Variants in BMERB1 observed in about 807,000 individuals in gnomAD.
BMERB1 encodes bMERB domain-containing protein 1.
Under a neutral mutation model 23.6 loss-of-function variants are expected in BMERB1, and 12 were observed. The observed-to-expected ratio is 0.51, with a 90% CI of 0.33 to 0.82. BMERB1 has a LOEUF of 0.82. BMERB1 is among the 40% of genes least tolerant of loss of function. The pLI is 0.03. For synonymous variants in BMERB1, 122 were observed against 96.6 expected (o/e 1.26, Z -1.54); for missense variants, 247 against 255.4 (o/e 0.97, Z 0.22).
chr16:15,563,282 G>A (rs1340386685), intron 2 of BMERB1, among the ~76,000 whole-genome samples: 11 of 151,370 alleles, frequency 7.3e-5, no homozygotes, highest in Admixed American at 6.6e-4. Context: ...GTGCAGTGGC[G>A]CAATCTTGGC....
chr16:15,452,335 A>AGAGGGAGG (rs767648201), intron 1 of BMERB1, among the ~76,000 whole-genome samples: 8,817 of 130,384 alleles, frequency 0.068, 984 homozygotes, highest in African/African-American at 0.23. Context: ...AGGGAGGGAG[A>AGAGGGAGG]GAGAGAGAGA....
chr16:15,565,853 CAAAA>C (rs1157887386), intron 2 of BMERB1, among the ~76,000 whole-genome samples: 2 of 152,158 alleles, frequency 1.3e-5, no homozygotes, highest in Non-Finnish European at 2.9e-5. Flanking sequence ...TCTCAAAAAA[CAAAA>C]CAAGAACAAC....
intron 1 of BMERB1, among the ~76,000 whole-genome samples, chr16:15,442,494 G>T (rs2050947941): frequency 6.6e-6 from 1 of 152,134 alleles, no homozygotes; most frequent in African/African-American, 2.4e-5. Flanking sequence ...ACACAGTTGA[G>T]TAATGTCTGC....
intron 1 of BMERB1, among the ~76,000 whole-genome samples, chr16:15,501,287 C>CTTTTTT (rs71152437): frequency 1.3e-3 from 85 of 64,770 alleles, no homozygotes; most frequent in Non-Finnish European, 1.7e-3. Context: ...GCTCTTTTTA[C>CTTTTTT]TTTTTTTTTT....
At position 15,583,224 on chromosome 16, in the gene BMERB1, C is replaced by T. The variant is rs779750823; in HGVS notation, c.488C>T (p.Thr163Ile). 4 of 1,609,970 alleles carry T rather than the reference C, an allele frequency of 2.5e-6. No individual in the cohort carries two copies. Among genetic ancestry groups the T allele is most frequent in the Admixed American group, 3.3e-5 (2 of 60,002 alleles). Residue 163 changes from threonine (T) to isoleucine (I), a missense_variant, in exon 5 of 6, where the codon ACC becomes ATC. Transcript: ENST00000300006. ...AAGTTAAAACCTCTAGACAAAGTAACCAAATCTCCAGCCAGTGAGTATATA... is the reference window on the plus strand; with the variant it reads ...AAGTTAAAACCTCTAGACAAAGTAATCAAATCTCCAGCCAGTGAGTATATA... ...RIKLKPLDKVTKSPASSRAEK... is the reference protein window; with the variant it reads ...RIKLKPLDKVIKSPASSRAEK...
At chr16:15,518,367 A>G (rs539631916) in intron 2 of BMERB1, among the ~76,000 whole-genome samples, 1 of 152,178 alleles carries the variant, frequency 6.6e-6, no homozygotes, top group Non-Finnish European at 1.5e-5. Context: ...ATGGAGTCCT[A>G]CAGACAGTAT....
chr16:15,446,235 T>TA (rs1427990407), intron 1 of BMERB1, among the ~76,000 whole-genome samples: 5 of 151,384 alleles, frequency 3.3e-5, no homozygotes, highest in African/African-American at 1.2e-4. Flanking sequence ...TACAAAAAAA[T>TA]AAAAAAATAA....
chr16:15,480,286 T>C (rs1031368866), intron 1 of BMERB1, among the ~76,000 whole-genome samples: 2 of 151,746 alleles, frequency 1.3e-5, no homozygotes, highest in Non-Finnish European at 2.9e-5. Flanking sequence ...TAATTTGTTT[T>C]GTATTTTTTA....
intron 1 of BMERB1, among the ~76,000 whole-genome samples, chr16:15,452,297 AAAAG>A (rs2051048828): frequency 7.5e-6 from 1 of 133,248 alleles, no homozygotes; most frequent in Non-Finnish European, 1.6e-5. Flanking sequence ...AAAAAAAAAG[AAAAG>A]AAGGAAGGAA....
At chr16:15,495,371 T>G (rs923627016) in intron 1 of BMERB1, among the ~76,000 whole-genome samples, 2 of 150,330 alleles carry the variant, frequency 1.3e-5, no homozygotes, top group African/African-American at 2.5e-5. Flanking sequence ...AAGTTTTTTG[T>G]TTTTTGTTTT....
At chr16:15,487,844 G>A (rs2051381263) in intron 1 of BMERB1, among the ~76,000 whole-genome samples, 3 of 152,184 alleles carry the variant, frequency 2.0e-5, no homozygotes, top group Non-Finnish European at 4.4e-5. Context: ...GCTGGTGGGC[G>A]GGTCTTTTAG....
At chr16:15,456,928 C>T (rs1481899431) in intron 1 of BMERB1, among the ~76,000 whole-genome samples, 3 of 152,072 alleles carry the variant, frequency 2.0e-5, no homozygotes, top group African/African-American at 7.2e-5. Flanking sequence ...TGGGTTCAAG[C>T]AATTCTCGTG....
intron 1 of BMERB1, chr16:15,502,297 A>G: frequency 1.3e-6 from 2 of 1,551,410 alleles, no homozygotes; most frequent in Admixed American, 2.0e-5. Flanking sequence ...GAAGCCTGTC[A>G]GTTTCCTCAG....
chr16:15,519,804 CT>C (rs2051827292), intron 2 of BMERB1, among the ~76,000 whole-genome samples: 1 of 152,134 alleles, frequency 6.6e-6, no homozygotes, highest in Non-Finnish European at 1.5e-5. Context: ...TTAACTTGTC[CT>C]TTCCCCCAAG....
At chr16:15,529,244 T>C (rs2051944033) in intron 2 of BMERB1, among the ~76,000 whole-genome samples, 3 of 152,094 alleles carry the variant, frequency 2.0e-5, no homozygotes, top group African/African-American at 7.2e-5. Flanking sequence ...GCCAGGATGG[T>C]CTTGATCTCC....
intron 1 of BMERB1, among the ~76,000 whole-genome samples, chr16:15,463,764 A>G (rs1421454826): frequency 6.6e-6 from 1 of 151,924 alleles, no homozygotes; most frequent in Non-Finnish European, 1.5e-5. Context: ...GCTGCTGTTG[A>G]CACAACTGCC....
intron 1 of BMERB1, among the ~76,000 whole-genome samples, chr16:15,446,642 A>G (rs1463837241): frequency 6.6e-6 from 1 of 152,228 alleles, no homozygotes; most frequent in Non-Finnish European, 1.5e-5. Flanking sequence ...AACCTAGCAC[A>G]GGTTGACTTA....
At chr16:15,540,137 A>AC (rs1390625442) in intron 2 of BMERB1, among the ~76,000 whole-genome samples, 4 of 152,098 alleles carry the variant, frequency 2.6e-5, no homozygotes, top group Admixed American at 2.6e-4. Flanking sequence ...ACAGAGTGAG[A>AC]CCCTGCTGAA....
At chr16:15,479,975 A>G (rs1166205246) in intron 1 of BMERB1, among the ~76,000 whole-genome samples, 1 of 147,790 alleles carries the variant, frequency 6.8e-6, no homozygotes, top group Non-Finnish European at 1.5e-5. Flanking sequence ...AAAATTTCTC[A>G]GTTTCAATTT....
Sources: gnomAD v4.1 joint callset for allele counts (sites outside exome capture counted in the v4.1 genomes callset) on GRCh38, gnomAD v4.1.1 for gene constraint, MANE v1.5 for transcripts, NCBI Gene and HGNC (gene_info 2026-07-23, HGNC 2026-07-21) for gene names.